CRIM1: variants seen among roughly 807,000 people sequenced by gnomAD.
CRIM1 encodes the protein cysteine-rich motor neuron 1 protein.
In CRIM1, 32 loss-of-function variants were observed where a neutral mutation model predicts 116.4. That is an observed-to-expected ratio of 0.27 (90% CI 0.21 to 0.37). CRIM1 has a LOEUF of 0.37. CRIM1 is among the 10% of genes least tolerant of loss of function. CRIM1 has a pLI of 1.00. For synonymous variants in CRIM1, 590 were observed against 509.2 expected (o/e 1.16, Z -2.13); for missense variants, 1,331 against 1,354.8 (o/e 0.98, Z 0.28).
chr2:36,454,286 A>G (rs1160033154), intron 4 of CRIM1, among the ~76,000 whole-genome samples: 1 of 151,534 alleles, frequency 6.6e-6, no homozygotes, highest in Non-Finnish European at 1.5e-5. Context: ...TCTTTCCTCT[A>G]TCTGGAATGC....
intron 5 of CRIM1, among the ~76,000 whole-genome samples, chr2:36,473,764 A>C (rs757966764): frequency 8.5e-5 from 13 of 152,200 alleles, no homozygotes; most frequent in Middle Eastern, 3.4e-3. Context: ...TTTTGTTTAT[A>C]TATCAGTTAA....
At chr2:36,464,789 AG>A in intron 5 of CRIM1, 134 bp downstream of exon 5, 1 of 1,051,950 alleles carries the variant, frequency 9.5e-7, no homozygotes, top group Non-Finnish European at 1.4e-6. Context: ...GCACTCAAAA[AG>A]GTTTGCTTAA....
At chr2:36,434,735 G>A (rs1675164796) in intron 2 of CRIM1, among the ~76,000 whole-genome samples, 1 of 152,108 alleles carries the variant, frequency 6.6e-6, no homozygotes, top group South Asian at 2.1e-4. Context: ...GTCTTTATTG[G>A]TATTTTCTGC....
At chr2:36,373,826 A>G (rs957186742) in intron 1 of CRIM1, among the ~76,000 whole-genome samples, 6 of 152,204 alleles carry the variant, frequency 3.9e-5, no homozygotes, top group African/African-American at 1.2e-4. Context: ...TCACAGGGTC[A>G]TGTGCGTGTC....
chr2:36,473,245 T>C (rs58050403), intron 5 of CRIM1, among the ~76,000 whole-genome samples: 5,518 of 152,270 alleles, frequency 0.036, 356 homozygotes, highest in African/African-American at 0.13. Context: ...GATTTGGGGA[T>C]GGACAGAAGA....
intron 2 of CRIM1, among the ~76,000 whole-genome samples, chr2:36,410,267 AT>A (rs574425224): frequency 2.7e-5 from 4 of 150,550 alleles, no homozygotes; most frequent in Non-Finnish European, 4.4e-5. Context: ...TGTCACTGGG[AT>A]TTTTTTTTCA....
chr2:36,538,286 C>T (rs902868261), intron 14 of CRIM1, among the ~76,000 whole-genome samples: 3 of 152,114 alleles, frequency 2.0e-5, no homozygotes, highest in Non-Finnish European at 2.9e-5. Context: ...CTTTCCCCTG[C>T]GTCTAATCCC....
chr2:36,512,658 G>A (rs1330859530), intron 10 of CRIM1, among the ~76,000 whole-genome samples: 1 of 152,138 alleles, frequency 6.6e-6, no homozygotes, highest in Non-Finnish European at 1.5e-5. Flanking sequence ...ACTTCTATCA[G>A]GAACTTTAGC....
intron 2 of CRIM1, among the ~76,000 whole-genome samples, chr2:36,436,978 T>C (rs188990907): frequency 1.1e-4 from 16 of 152,340 alleles, no homozygotes; most frequent in Non-Finnish European, 1.9e-4. Flanking sequence ...CAATATTTGA[T>C]TGAAATATTC....
intron 2 of CRIM1, among the ~76,000 whole-genome samples, chr2:36,435,384 C>A (rs534694782): frequency 2.6e-5 from 4 of 151,718 alleles, no homozygotes; most frequent in African/African-American, 4.8e-5. Flanking sequence ...GAATGAAGAA[C>A]GAGAAGAGAT....
chr2:36,405,760 C>G (rs1672732275), intron 2 of CRIM1, among the ~76,000 whole-genome samples: 1 of 152,090 alleles, frequency 6.6e-6, no homozygotes, highest in Non-Finnish European at 1.5e-5. Flanking sequence ...TTTAAAAAAG[C>G]ATATCTTATA....
chr2:36,378,293 T>C, intron 1 of CRIM1: 2 of 470,986 alleles, frequency 4.2e-6, no homozygotes, highest in South Asian at 3.1e-5. Flanking sequence ...TGAAGATGCT[T>C]GTGAGGAAGT....
At chr2:36,487,002 A>G (rs1261389752) in intron 7 of CRIM1, among the ~76,000 whole-genome samples, 1 of 152,208 alleles carries the variant, frequency 6.6e-6, no homozygotes, top group African/African-American at 2.4e-5. Context: ...AAAAGATTCC[A>G]TCTTCTTTAT....
At chr2:36,450,345 C>G (rs923125258) in intron 4 of CRIM1, among the ~76,000 whole-genome samples, 1 of 152,172 alleles carries the variant, frequency 6.6e-6, no homozygotes, top group African/African-American at 2.4e-5. Context: ...ATCACTTTCC[C>G]TGAGGTCGGA....
At chr2:36,436,705 C>T (rs1675340105) in intron 2 of CRIM1, among the ~76,000 whole-genome samples, 1 of 152,164 alleles carries the variant, frequency 6.6e-6, no homozygotes, top group Non-Finnish European at 1.5e-5. Context: ...TGAGACCACA[C>T]ATACATACAC....
intron 2 of CRIM1, among the ~76,000 whole-genome samples, chr2:36,417,438 T>G (rs1673704073): frequency 6.6e-6 from 1 of 152,352 alleles, no homozygotes; most frequent in Admixed American, 6.5e-5. Flanking sequence ...ATTTGGGGCC[T>G]GAAATATGAA....
intron 7 of CRIM1, among the ~76,000 whole-genome samples, chr2:36,483,323 C>T (rs1251638118): frequency 6.6e-6 from 1 of 152,184 alleles, no homozygotes; most frequent in Non-Finnish European, 1.5e-5. Flanking sequence ...GATTGGACGG[C>T]AGAATTAGGT....
intron 5 of CRIM1, among the ~76,000 whole-genome samples, chr2:36,469,680 A>T (rs1190735646): frequency 1.3e-5 from 2 of 152,090 alleles, no homozygotes; most frequent in Non-Finnish European, 2.9e-5. Context: ...AACATTAAGA[A>T]CCCACTGTCT....
chr2:36,536,481 C>T (rs1017687914), intron 13 of CRIM1, among the ~76,000 whole-genome samples: 2 of 152,144 alleles, frequency 1.3e-5, no homozygotes, highest in African/African-American at 2.4e-5. Flanking sequence ...CTCACACCCC[C>T]GCCACCGGGT....
Sources: gnomAD v4.1 joint callset for allele counts (sites outside exome capture counted in the v4.1 genomes callset) on GRCh38, gnomAD v4.1.1 for gene constraint, MANE v1.5 for transcripts, NCBI Gene and HGNC (gene_info 2026-07-23, HGNC 2026-07-21) for gene names.